The following ETV7 variants were observed in gnomAD, a reference collection of about 807,000 sequenced individuals.
ETV7 encodes transcription factor ETV7.
ETV7 carries 43 observed loss-of-function variants against 39.1 expected under a neutral mutation model. The observed-to-expected ratio is 1.10, with a 90% CI of 0.86 to 1.42. ETV7 has a LOEUF of 1.42. Among genes scored for constraint, ETV7 ranks in the 40% most tolerant of loss-of-function variants. The pLI, the probability that ETV7 is intolerant of heterozygous loss-of-function variation, is 0.00. For missense variants in ETV7, 432 were observed against 442.3 expected (o/e 0.98, Z 0.21); for synonymous variants, 196 against 176.6 (o/e 1.11, Z -0.87).
chr6:36,362,798 C>T (rs913237730), downstream of ETV7, among the ~76,000 whole-genome samples: 4 of 152,210 alleles, frequency 2.6e-5, no homozygotes, highest in African/African-American at 7.2e-5. Flanking sequence ...ATGATGGTCT[C>T]AGTGCTGGGT....
downstream of ETV7, among the ~76,000 whole-genome samples, chr6:36,364,155 C>T (rs1365214677): frequency 6.6e-6 from 1 of 152,246 alleles, no homozygotes; most frequent in Non-Finnish European, 1.5e-5. Flanking sequence ...ACTCAGGAGC[C>T]CAGCTGGCTT....
Position 36,371,501 on chromosome 6 carries a change from G to T in ETV7, c.493C>A (p.Pro165Thr), listed in dbSNP as rs1204721903. 1 of 1,606,842 alleles carries T rather than the reference G, an allele frequency of 6.2e-7. No individual in the cohort carries two copies. The highest frequency in any genetic ancestry group is 1.7e-5 in the Admixed American group (1 of 59,038). ...RRGHLLQPPD[P>T]GLTSNFGHLD... is the part of the protein sequence containing the mutation. Reference sequence around the variant, plus strand: ...TGGCCGAAGTTGCTGGTAAGCCCTGGGTCTGGTGGCTGCAGCAGGTGGCCC... The same window carrying T: ...TGGCCGAAGTTGCTGGTAAGCCCTGTGTCTGGTGGCTGCAGCAGGTGGCCC... The change falls in exon 5 of 8, where the codon CCA (proline) becomes ACA (threonine). Residue 165 changes from proline to threonine, a missense_variant. Transcript: ENST00000340181.
At chr6:36,372,092 G>A (rs1020452353) in intron 4 of ETV7, among the ~76,000 whole-genome samples, 1 of 152,212 alleles carries the variant, frequency 6.6e-6, no homozygotes, top group Non-Finnish European at 1.5e-5. Context: ...AGGGAAATCT[G>A]GGAAAGGAGC....
At chr6:36,362,080 C>G (rs934955136), downstream of ETV7, among the ~76,000 whole-genome samples, 12 of 152,000 alleles carry the variant, frequency 7.9e-5, no homozygotes, top group South Asian at 2.1e-4. Flanking sequence ...AGGCGGATCA[C>G]GAGGTCAGGA....
At chr6:36,377,667 T>G (rs759983822) in intron 2 of ETV7, among the ~76,000 whole-genome samples, 2 of 152,166 alleles carry the variant, frequency 1.3e-5, no homozygotes, top group Non-Finnish European at 2.9e-5. Context: ...ATTTTAACAT[T>G]TAAAACAAAG....
downstream of ETV7, among the ~76,000 whole-genome samples, chr6:36,362,672 G>C (rs1217503170): frequency 1.3e-5 from 2 of 152,182 alleles, no homozygotes. Flanking sequence ...ACCACGGCCT[G>C]ATCTCCCTGG....
At chr6:36,386,456 G>A (rs1011657084) in intron 1 of ETV7, among the ~76,000 whole-genome samples, 1 of 152,190 alleles carries the variant, frequency 6.6e-6, no homozygotes, top group Non-Finnish European at 1.5e-5. Context: ...CAGAGATGAC[G>A]GGGTTCATCC....
downstream of ETV7, among the ~76,000 whole-genome samples, chr6:36,364,043 T>C (rs2127384278): frequency 6.6e-6 from 1 of 152,208 alleles, no homozygotes; most frequent in Middle Eastern, 3.4e-3. Flanking sequence ...AGACACAGGG[T>C]GCTGATTGGT....
intron 2 of ETV7, among the ~76,000 whole-genome samples, chr6:36,382,158 C>T (rs1773688121): frequency 6.6e-6 from 1 of 152,140 alleles, no homozygotes; most frequent in African/African-American, 2.4e-5. Flanking sequence ...ATTTCTCAAA[C>T]CATTTTTGAC....
downstream of ETV7, among the ~76,000 whole-genome samples, chr6:36,362,687 A>C (rs547466821): frequency 1.8e-4 from 28 of 152,240 alleles, no homozygotes; most frequent in Non-Finnish European, 3.7e-4. Context: ...CCCTGGGGAG[A>C]TGGAGAAAAG....
chr6:36,375,989 C>T lies in ETV7; in HGVS notation c.189G>A (p.Leu63=), dbSNP rs192090227. 5.8e-4 allele frequency: 932 copies of T among 1,610,974 alleles called. 7 individuals carry two copies. Among genetic ancestry groups the T allele is most frequent in the Non-Finnish European group, 3.4e-5 (40 of 1,180,002 alleles). Reference sequence around the variant, plus strand: ...GAGAGTACTCCTGCTCTGCCCAGCGCAGCCAGTGCAGCACGTCCTCCCTGC... The same window carrying T: ...GAGAGTACTCCTGCTCTGCCCAGCGTAGCCAGTGCAGCACGTCCTCCCTGC... ...LWSREDVLHW[L]RWAEQEYSLP... Residue 63 remains leucine, a synonymous_variant, in exon 3 of 8, where the codon CTG becomes CTA. Coordinates refer to ENST00000340181, the MANE Select transcript of ETV7 (RefSeq NM_016135.4).
chr6:36,376,724 C>T (rs540666922), intron 2 of ETV7, among the ~76,000 whole-genome samples: 35 of 150,218 alleles, frequency 2.3e-4, no homozygotes, highest in Admixed American at 1.3e-3. Context: ...TGCAGTGAGC[C>T]GAGATCATGC....
intron 1 of ETV7, 98 bp downstream of exon 1, chr6:36,387,438 G>A: frequency 3.3e-6 from 5 of 1,501,950 alleles, no homozygotes; most frequent in Non-Finnish European, 3.7e-6. Flanking sequence ...CAGGTAAAAG[G>A]TCTGATAAAA....
intron 6 of ETV7, among the ~76,000 whole-genome samples, 169 bp from the exon 7 acceptor site, chr6:36,367,144 TG>T (rs1772767444): frequency 6.6e-6 from 1 of 151,780 alleles, no homozygotes; most frequent in African/African-American, 2.4e-5. Context: ...AGGGGAAGGT[TG>T]GGGAAGAAAT....
At chr6:36,369,164 G>A in intron 5 of ETV7, 93 bp from the exon 6 acceptor site, 2 of 1,403,498 alleles carry the variant, frequency 1.4e-6, no homozygotes, top group Non-Finnish European at 2.0e-6. Context: ...CTCCCGGCCA[G>A]AGCCCTAGGA....
chr6:36,380,399 C>T (rs944009289), intron 2 of ETV7, among the ~76,000 whole-genome samples: 3 of 152,252 alleles, frequency 2.0e-5, no homozygotes, highest in African/African-American at 4.8e-5. Context: ...ACTCTCCCGG[C>T]CCAGTGGCCT....
chr6:36,371,691 T>G, intron 4 of ETV7, 131 bp from the exon 5 acceptor site: 1 of 859,984 alleles, frequency 1.2e-6, no homozygotes, highest in Non-Finnish European at 1.8e-6. Flanking sequence ...AGCCCCTGGT[T>G]AGAAGGTCAG....
chr6:36,375,840 G>A (rs375037826), intron 3 of ETV7, 31 bp downstream of exon 3: 43 of 1,613,244 alleles, frequency 2.7e-5, no homozygotes, highest in African/African-American at 5.3e-5. Flanking sequence ...CAGGGTTCCC[G>A]CTTAGAGGAA....
At chr6:36,383,674 A>C (rs1351298653) in intron 2 of ETV7, among the ~76,000 whole-genome samples, 2 of 152,194 alleles carry the variant, frequency 1.3e-5, no homozygotes, top group African/African-American at 4.8e-5. Context: ...TCGAATCTTC[A>C]TTTGGTGTCA....
Sources: gnomAD v4.1 joint callset for allele counts (sites outside exome capture counted in the v4.1 genomes callset) on GRCh38, gnomAD v4.1.1 for gene constraint, MANE v1.5 for transcripts, NCBI Gene and HGNC (gene_info 2026-07-23, HGNC 2026-07-21) for gene names.